The following TNFSF11 variants were observed in gnomAD, a reference collection of about 807,000 sequenced individuals.
The protein encoded by TNFSF11 is TNF superfamily member 11.
A neutral mutation model predicts 32.2 loss-of-function variants in TNFSF11; 12 were observed. The ratio of observed to expected loss-of-function variants is 0.37; its 90% CI spans 0.24 to 0.60. The LOEUF is 0.60. TNFSF11 is among the 20% of genes least tolerant of loss of function. The probability of loss-of-function intolerance (pLI) is 0.66; values close to 1 mark genes in which losing one functional copy is unlikely to be tolerated. For synonymous variants in TNFSF11, 172 were observed against 152.1 expected (o/e 1.13, Z -0.96); for missense variants, 345 against 398.0 (o/e 0.87, Z 1.13).
In TNFSF11 at chr13:42,574,413, C is replaced by A. The variant is rs1238517413; in HGVS notation, c.110C>A (p.Ala37Glu). ...CCCCTGCACGCCCCGCCGCCGCCTG[C>A]GCCGCACCAGCCCCCTGCCGCCTCC... ...EGPLHAPPPP[A>E]PHQPPAASRS... is the part of the protein sequence containing the mutation. The change falls in exon 1 of 5, where the codon GCG becomes GAG. Residue 37 changes from alanine to glutamate, a missense_variant. Ala to Glu is a moderately radical substitution (Grantham distance 107, BLOSUM62 -1). Transcript: ENST00000398795. 2 of 1,574,294 alleles carry A rather than the reference C, an allele frequency of 1.3e-6. No homozygotes were observed. The highest frequency in any genetic ancestry group is 2.3e-5 in the South Asian group (2 of 86,524).
rs11385072 is a variant in TNFSF11 at position 42,599,349 on chromosome 13, C to CTATCTATCT, written c.388-1403_388-1402insTATCTATCT. ...TCTATCTATCTATCTATCTATCTATCATCTATCTATCTATCTATCTATCTA... is the reference window on the plus strand; with the variant it reads ...TCTATCTATCTATCTATCTATCTATCTATCTATCTATCTATCTATCTATCTATCTATCTA... On this transcript the variant is annotated intron_variant, in intron 2 of 4. Coordinates refer to ENST00000398795, the MANE Select transcript of TNFSF11 (RefSeq NM_003701.4). 7.4e-3 allele frequency among the ~76,000 whole-genome samples: 829 copies of CTATCTATCT among 112,212 alleles called. 5 individuals are homozygous for CTATCTATCT. The highest frequency in any genetic ancestry group is 0.012 in the South Asian group (34 of 2,808). The allele number at this position is 112,212 out of a possible 152,430, so 73.6% of individuals were successfully genotyped here.
chr13:42,600,598 C>T (rs920557505), intron 2 of TNFSF11, among the ~76,000 whole-genome samples, 154 bp from the exon 3 acceptor site: 1 of 152,156 alleles, frequency 6.6e-6, no homozygotes, highest in African/African-American at 2.4e-5. Flanking sequence ...TTGATAGCCA[C>T]CTAATACATA....
intron 2 of TNFSF11, among the ~76,000 whole-genome samples, chr13:42,599,617 T>C (rs1869055553): frequency 1.3e-5 from 2 of 152,096 alleles, no homozygotes; most frequent in Non-Finnish European, 2.9e-5. Context: ...CAGGCTGGAT[T>C]ACAGTGGTGC....
rs2277438 is a variant in TNFSF11 at position 42,581,032 on chromosome 13, G to A, written c.220-94G>A. ...TTGTTGGGGACATAAAGACTCTTGC[G>A]AGTATGAATTTTTTGTTCTTAAGTC... On this transcript the variant is annotated intron_variant, in intron 1 of 4. Transcript: ENST00000398795. The A allele has an allele frequency of 0.82, 1,094,369 of 1,337,336 alleles. 449,893 individuals are homozygous for A. The highest frequency in any genetic ancestry group is 0.88 in the South Asian group (74,439 of 84,194). 82.8% of individuals were successfully genotyped at this position (1,337,336 alleles called of 1,614,324 possible).
intron 1 of TNFSF11, among the ~76,000 whole-genome samples, chr13:42,575,769 G>A (rs554360013): frequency 2.0e-5 from 3 of 152,348 alleles, no homozygotes; most frequent in South Asian, 4.1e-4. Context: ...CTCATTGAGA[G>A]TTTTGTTGTT....
At chr13:42,602,597 T>C (rs1262011678) in intron 4 of TNFSF11, among the ~76,000 whole-genome samples, 1 of 152,234 alleles carries the variant, frequency 6.6e-6, no homozygotes, top group African/African-American at 2.4e-5. Flanking sequence ...TTTGTCTCAC[T>C]GTGTGTCTAT....
intron 2 of TNFSF11, among the ~76,000 whole-genome samples, chr13:42,568,417 T>C (rs1429579546): frequency 6.6e-6 from 1 of 152,210 alleles, no homozygotes; most frequent in Non-Finnish European, 1.5e-5. Context: ...GTGATTTAAG[T>C]TAAGGGGGTA....
Position 42,598,006 on chromosome 13 carries a change from T to G in TNFSF11, c.388-2746T>G, listed in dbSNP as rs150721685. 9.2e-5 allele frequency among the ~76,000 whole-genome samples: 14 copies of G among 152,228 alleles called. No homozygotes were observed. In the East Asian group the frequency reaches 2.7e-3, roughly 29 times the overall value. On this transcript the variant is annotated intron_variant, in intron 2 of 4. Coordinates refer to ENST00000398795, the MANE Select transcript of TNFSF11 (RefSeq NM_003701.4). ...ACAGGTGGATGTCGCCACACCCAGC[T>G]AATTTTAAAAAATTAATTTTTATAG...
chr13:42,600,997 A>C lies in TNFSF11; in HGVS notation c.532+16A>C, dbSNP rs761474702. 3.1e-6 allele frequency: 5 copies of C among 1,613,250 alleles called. No individual in the cohort carries two copies. Among genetic ancestry groups the C allele is most frequent in the African/African-American group, 2.7e-5 (2 of 74,912 alleles). On this transcript the variant is annotated intron_variant, in intron 4 of 4. Transcript: ENST00000398795. The stretch of plus-strand genomic sequence containing the variant: ...ATCCCATCTGGTAAGCTCTATCTGC[A>C]TCCAGCCTGAAAAATATTTTAAGAG...
intron 2 of TNFSF11, among the ~76,000 whole-genome samples, chr13:42,592,432 G>A (rs1277621207): frequency 1.3e-5 from 2 of 152,196 alleles, no homozygotes; most frequent in African/African-American, 2.4e-5. Flanking sequence ...TCCACCCAAT[G>A]GAAGAGATGC....
intron 2 of TNFSF11, among the ~76,000 whole-genome samples, chr13:42,599,011 T>C (rs761138077): frequency 6.6e-6 from 1 of 152,106 alleles, no homozygotes; most frequent in Non-Finnish European, 1.5e-5. Context: ...ACCATGTGCC[T>C]AAATACCCGC....
chr13:42,581,315 T>C (rs200632589), intron 2 of TNFSF11, 22 bp downstream of exon 2: 4 of 1,613,620 alleles, frequency 2.5e-6, no homozygotes, highest in Non-Finnish European at 3.4e-6. Flanking sequence ...TCGAGGCTGA[T>C]AAGTCAAGGG....
At chr13:42,576,972 C>T (rs1442748785) in intron 1 of TNFSF11, among the ~76,000 whole-genome samples, 1 of 152,176 alleles carries the variant, frequency 6.6e-6, no homozygotes, top group Non-Finnish European at 1.5e-5. Context: ...AGAATAGTCT[C>T]CATTTGACTT....
At chr13:42,567,611 C>T (rs755821791) in intron 2 of TNFSF11, among the ~76,000 whole-genome samples, 1 of 152,122 alleles carries the variant, frequency 6.6e-6, no homozygotes, top group African/African-American at 2.4e-5. Context: ...TAAAAAAACC[C>T]ACCTGAGTTC....
At chr13:42,563,668 A>C (rs1384223668) in intron 1 of TNFSF11, among the ~76,000 whole-genome samples, 1 of 151,806 alleles carries the variant, frequency 6.6e-6, no homozygotes, top group Non-Finnish European at 1.5e-5. Flanking sequence ...CGTCTCAAAA[A>C]AAAAAAAAAA....
intron 2 of TNFSF11, among the ~76,000 whole-genome samples, chr13:42,582,211 C>T (rs1873649985): frequency 3.9e-5 from 6 of 152,082 alleles, no homozygotes; most frequent in Admixed American, 3.9e-4. Context: ...TAAAAATCCA[C>T]ATATAGTAAT....
chr13:42,571,589 C>T (rs1873070542), upstream of TNFSF11: 1 of 152,098 alleles, frequency 6.6e-6, no homozygotes, highest in Non-Finnish European at 1.5e-5. Flanking sequence ...GGCTATTCTC[C>T]ATCTCCTGGG....
In TNFSF11 at chr13:42,602,794, C is replaced by T. The variant is rs149801929; in HGVS notation, c.532+1813C>T. Among the ~76,000 whole-genome samples the T allele has an allele frequency of 2.9e-3, 439 of 152,302 alleles. 5 individuals are homozygous for T. Among genetic ancestry groups the T allele is most frequent in the African/African-American group, 9.6e-3 (401 of 41,572 alleles). ...CAGCTGTGTGTGCTATTAATGTTCC[C>T]TACATTTATCTTTTCAGTTCACTTT... On this transcript the variant is annotated intron_variant, in intron 4 of 4. Coordinates refer to ENST00000398795, the MANE Select transcript of TNFSF11 (RefSeq NM_003701.4).
At chr13:42,594,671 G>C (rs1868696663) in intron 2 of TNFSF11, among the ~76,000 whole-genome samples, 1 of 152,202 alleles carries the variant, frequency 6.6e-6, no homozygotes, top group Non-Finnish European at 1.5e-5. Flanking sequence ...GATTGAGCCA[G>C]CTCTGAGACA....
Sources: allele counts gnomAD v4.1 joint callset (sites outside exome capture counted in the v4.1 genomes callset), GRCh38; gene constraint gnomAD v4.1.1; transcripts MANE v1.5; gene names NCBI Gene and HGNC (gene_info 2026-07-23, HGNC 2026-07-21).